EPB41L4A: variants seen among roughly 807,000 people sequenced by gnomAD.
EPB41L4A encodes the protein erythrocyte membrane protein band 4.1 like 4A.
Under a neutral mutation model 108.6 loss-of-function variants are expected in EPB41L4A, and 100 were observed. That is an observed-to-expected ratio of 0.92 (90% confidence interval 0.78 to 1.09). The LOEUF (loss-of-function observed/expected upper bound fraction) is 1.09. Among genes scored for constraint, EPB41L4A ranks in the 50% least tolerant of loss-of-function variants. EPB41L4A has a pLI of 0.00. For missense variants in EPB41L4A, 1,030 were observed against 842.7 expected, an observed-to-expected ratio of 1.22 and a Z score of -2.75; for synonymous variants, 319 against 289.0, an observed-to-expected ratio of 1.10 and a Z score of -1.05.
At chr5:112,223,510 T>C (rs1476046395) in intron 12 of EPB41L4A, among the ~76,000 whole-genome samples, 1 of 151,972 alleles carries the variant, frequency 6.6e-6, no homozygotes, top group Non-Finnish European at 1.5e-5. Context: ...GGAATATCTA[T>C]CCCCAAAACA....
chr5:112,308,492 T>C (rs915327914), intron 1 of EPB41L4A, among the ~76,000 whole-genome samples: 2 of 152,238 alleles, frequency 1.3e-5, no homozygotes, highest in African/African-American at 2.4e-5. Context: ...CACCAGGGTG[T>C]ACACACCAAG....
At chr5:112,222,858 C>T (rs1748165140) in intron 12 of EPB41L4A, among the ~76,000 whole-genome samples, 1 of 152,242 alleles carries the variant, frequency 6.6e-6, no homozygotes, top group Admixed American at 6.5e-5. Context: ...CTTCCTCCAC[C>T]CCTTCTGGAC....
chr5:112,145,177 C>G lies in EPB41L4A; in HGVS notation n.1112+704G>C, dbSNP rs915888216. ...TGGTGGCACAAACCTGTAATCCCAG[C>G]TACTTGGGAGGCTGAGGTGGGAGAA... On this transcript the variant is annotated intron_variant and non_coding_transcript_variant, in intron 13 of 13. Transcript: ENST00000507810. Among the ~76,000 whole-genome samples the G allele has an allele frequency of 4.6e-5, 7 of 152,284 alleles. No individual in the cohort carries two copies. The East Asian group carries it at 1.4e-3, about 29-fold the overall frequency.
intron 14 of EPB41L4A, among the ~76,000 whole-genome samples, chr5:112,204,999 A>C (rs576331588): frequency 1.3e-5 from 2 of 152,242 alleles, no homozygotes; most frequent in Admixed American, 6.5e-5. Flanking sequence ...CTGGTTTGGT[A>C]GTTGTGACCA....
At chr5:112,345,303 A>T (rs937034964) in intron 1 of EPB41L4A, among the ~76,000 whole-genome samples, 7 of 152,228 alleles carry the variant, frequency 4.6e-5, no homozygotes, top group African/African-American at 1.7e-4. Context: ...TTCAACCTAA[A>T]TATGAAATAA....
intron 4 of EPB41L4A, among the ~76,000 whole-genome samples, chr5:112,269,749 T>C (rs1561527938): frequency 5.3e-5 from 8 of 152,174 alleles, no homozygotes; most frequent in Admixed American, 5.2e-4. Flanking sequence ...TGGGGAAAAA[T>C]GCTAACTAAA....
At chr5:112,161,685 G>A (rs1580341869), downstream of EPB41L4A, 8 of 496,228 alleles carry the variant, frequency 1.6e-5, no homozygotes, top group East Asian at 3.3e-4. Flanking sequence ...CTCTTAGCCA[G>A]TTCTAATTTT....
In EPB41L4A at chr5:112,374,450, TAA is replaced by T. The variant is rs138693081; in HGVS notation, c.99+44489_99+44490del. Among the ~76,000 whole-genome samples the T allele has an allele frequency of 8.5e-3, 1,291 of 152,300 alleles. 10 individuals are homozygous for T. The highest frequency in any genetic ancestry group is 0.014 in the Non-Finnish European group (935 of 68,022). On this transcript the variant is annotated intron_variant, in intron 1 of 22. Transcript: ENST00000261486. Reference sequence around the variant, plus strand: ...ACAGTTAAAGATGATGAAAAGAAGTTAAAGTCTTCTAAATAAAAATGATTCGC... The same window carrying T: ...ACAGTTAAAGATGATGAAAAGAAGTTAGTCTTCTAAATAAAAATGATTCGC...
intron 6 of EPB41L4A, chr5:112,264,471 ATTG>A (rs1753751264): frequency 1.3e-5 from 2 of 153,054 alleles, no homozygotes; most frequent in African/African-American, 4.8e-5. Context: ...ATGGTTAAAA[ATTG>A]TTGTGATTAA....
intron 9 of EPB41L4A, among the ~76,000 whole-genome samples, chr5:112,244,955 A>T (rs1313106729): frequency 2.0e-5 from 3 of 152,158 alleles, no homozygotes; most frequent in Admixed American, 2.0e-4. Flanking sequence ...AAAGTTTGAA[A>T]TACTATTGCA....
chr5:112,217,389 C>T (rs1409752438), intron 12 of EPB41L4A, among the ~76,000 whole-genome samples: 1 of 152,188 alleles, frequency 6.6e-6, no homozygotes, highest in African/African-American at 2.4e-5. Context: ...CCCCAAAAGG[C>T]AGCCAGATTC....
intron 1 of EPB41L4A, among the ~76,000 whole-genome samples, chr5:112,417,472 A>G (rs2112848430): frequency 6.6e-6 from 1 of 152,336 alleles, no homozygotes; most frequent in African/African-American, 2.4e-5. Context: ...TCTATATATT[A>G]TCTACAATTT....
At chr5:112,345,970 G>T (rs997671996) in intron 1 of EPB41L4A, among the ~76,000 whole-genome samples, 3 of 151,918 alleles carry the variant, frequency 2.0e-5, no homozygotes, top group African/African-American at 7.2e-5. Context: ...GAGTTGAAAT[G>T]GGATATAGTT....
At chr5:112,290,310 A>G (rs1294090891) in intron 2 of EPB41L4A, among the ~76,000 whole-genome samples, 1 of 152,188 alleles carries the variant, frequency 6.6e-6, no homozygotes, top group Non-Finnish European at 1.5e-5. Context: ...ATGTCTTCAG[A>G]GCCCACCAAT....
chr5:112,357,530 T>C (rs1177801372), intron 1 of EPB41L4A, among the ~76,000 whole-genome samples: 1 of 152,156 alleles, frequency 6.6e-6, no homozygotes, highest in African/African-American at 2.4e-5. Flanking sequence ...AAAGGAAACT[T>C]GGGCCCGGTT....
At chr5:112,419,924 A>T (rs1395353257), upstream of EPB41L4A, 1 of 456,128 alleles carries the variant, frequency 2.2e-6, no homozygotes, top group East Asian at 7.0e-5. Context: ...CAAAGCGGGG[A>T]GGCGGGGACC....
At chr5:112,419,481 G>T, upstream of EPB41L4A, 1 of 367,202 alleles carries the variant, frequency 2.7e-6, no homozygotes, top group Admixed American at 3.5e-5. Flanking sequence ...CCCTCCTGCC[G>T]CACGGATTTG....
intron 1 of EPB41L4A, among the ~76,000 whole-genome samples, chr5:112,327,516 G>A (rs1481173553): frequency 2.6e-5 from 4 of 152,052 alleles, no homozygotes; most frequent in Non-Finnish European, 5.9e-5. Flanking sequence ...AGGAGTTCAA[G>A]ACCAGCCTAG....
chr5:112,349,138 G>T lies in EPB41L4A; in HGVS notation c.100-41648C>A, dbSNP rs116218795. Among the ~76,000 whole-genome samples the T allele has an allele frequency of 9.3e-3, 1,416 of 152,332 alleles. 26 individuals are homozygous for T. Among genetic ancestry groups the T allele is most frequent in the African/African-American group, 0.033 (1,354 of 41,570 alleles). On this transcript the variant is annotated intron_variant, in intron 1 of 22. Transcript: ENST00000261486. Reference sequence around the variant, plus strand: ...TGATGACACAGAGGGGACAGTTTCAGTAGACTGGCAGGTGTGAGTGCCAGA... The same window carrying T: ...TGATGACACAGAGGGGACAGTTTCATTAGACTGGCAGGTGTGAGTGCCAGA...
Sources: gnomAD v4.1 joint callset for allele counts (sites outside exome capture counted in the v4.1 genomes callset) on GRCh38, gnomAD v4.1.1 for gene constraint, MANE v1.5 for transcripts, NCBI Gene and HGNC (gene_info 2026-07-23, HGNC 2026-07-21) for gene names.